The following CNTN4 variants were observed in gnomAD, a reference collection of about 807,000 sequenced individuals.
CNTN4 encodes contactin 4, also known as contactin-4.
In CNTN4, 77 loss-of-function variants were observed where a neutral mutation model predicts 122.5. The ratio of observed to expected loss-of-function variants is 0.63; its 90% CI spans 0.52 to 0.76. The LOEUF (loss-of-function observed/expected upper bound fraction) is 0.76, where lower values mean the gene tolerates loss of function less well. Ranked by LOEUF, CNTN4 falls within the 30% of genes least tolerant of loss-of-function variation. The pLI is 0.00. For synonymous variants in CNTN4, 512 were observed against 447.0 expected (o/e 1.15, Z -1.83); for missense variants, 1,256 against 1,259.1 (o/e 1.00, Z 0.04).
chr3:2,385,907 T>A lies in CNTN4; in HGVS notation c.-89+46674T>A, dbSNP rs2046237716. Among the ~76,000 whole-genome samples, 1 of 152,106 alleles carries A rather than the reference T, an allele frequency of 6.6e-6. No homozygotes were observed. Among genetic ancestry groups the A allele is most frequent in the African/African-American group, 2.4e-5 (1 of 41,448 alleles). On this transcript the variant is annotated intron_variant, in intron 3 of 24. Coordinates refer to ENST00000418658, the MANE Select transcript of CNTN4 (RefSeq NM_175607.3). This position sits in a 1 kb window ranked among gnomAD's most constrained non-coding sequence, Gnocchi z 4.0. ...ACCCATAACAATGTTCCATCAATAT[T>A]TGATAAATGAATGAATACATGCATT... is the stretch of plus-strand genomic sequence containing the variant.
chr3:2,492,461 T>A (rs1326959479), intron 3 of CNTN4, among the ~76,000 whole-genome samples: 2 of 152,204 alleles, frequency 1.3e-5, no homozygotes, highest in Non-Finnish European at 2.9e-5. Flanking sequence ...CTGCGAGGCC[T>A]CATTCTCTCA....
At chr3:2,995,054 G>C (rs530656758) in intron 14 of CNTN4, among the ~76,000 whole-genome samples, 1 of 152,262 alleles carries the variant, frequency 6.6e-6, no homozygotes, top group Non-Finnish European at 1.5e-5. Context: ...AGAGTAGGAA[G>C]GAAAAGTTTG....
chr3:2,392,387 G>C (rs1469857333), intron 3 of CNTN4, among the ~76,000 whole-genome samples: 1 of 151,938 alleles, frequency 6.6e-6, no homozygotes, highest in African/African-American at 2.4e-5. Flanking sequence ...ATCAAATTCT[G>C]GTCATTAAAT....
chr3:2,800,040 T>G (rs1270185872), intron 6 of CNTN4, among the ~76,000 whole-genome samples: 1 of 151,786 alleles, frequency 6.6e-6, no homozygotes, highest in Non-Finnish European at 1.5e-5. Flanking sequence ...CTGATAGCCT[T>G]GTAGTAGAAT....
intron 4 of CNTN4, among the ~76,000 whole-genome samples, chr3:2,733,750 G>A (rs2149476486): frequency 6.6e-6 from 1 of 151,956 alleles, no homozygotes; most frequent in African/African-American, 2.4e-5. Flanking sequence ...TGGCCAGGCT[G>A]GTCTCAAATG....
At chr3:2,284,482 T>C (rs2041834874) in intron 2 of CNTN4, among the ~76,000 whole-genome samples, 1 of 152,222 alleles carries the variant, frequency 6.6e-6, no homozygotes, top group South Asian at 2.1e-4. Flanking sequence ...GTCAGTTACT[T>C]TTTTGAAATG....
intron 8 of CNTN4, among the ~76,000 whole-genome samples, chr3:2,873,415 C>T (rs945479146): frequency 1.3e-5 from 2 of 152,206 alleles, no homozygotes; most frequent in African/African-American, 2.4e-5. Flanking sequence ...TTCAGTCTTT[C>T]AGGCCACAGT....
intron 9 of CNTN4, 54 bp downstream of exon 9, chr3:2,883,301 G>A: frequency 7.4e-7 from 1 of 1,353,712 alleles, no homozygotes; most frequent in South Asian, 1.2e-5. Flanking sequence ...AGCAGGTATA[G>A]AGTTTTTCTT....
intron 4 of CNTN4, among the ~76,000 whole-genome samples, chr3:2,717,347 G>A (rs2087558309): frequency 6.6e-6 from 1 of 152,056 alleles, no homozygotes; most frequent in African/African-American, 2.4e-5. Context: ...TCAAGCAGAG[G>A]CTGCCTACAT....
chr3:2,246,142 T>C (rs1313709742), intron 2 of CNTN4, among the ~76,000 whole-genome samples: 2 of 152,028 alleles, frequency 1.3e-5, no homozygotes, highest in African/African-American at 4.8e-5. Flanking sequence ...TTCTGTTTAA[T>C]AGCACTGATG....
At chr3:2,798,731 A>C (rs2092273213) in intron 6 of CNTN4, among the ~76,000 whole-genome samples, 2 of 152,122 alleles carry the variant, frequency 1.3e-5, no homozygotes, top group Non-Finnish European at 2.9e-5. Context: ...GGCTGGTCTC[A>C]AACTCCTAAG....
intron 3 of CNTN4, among the ~76,000 whole-genome samples, chr3:2,561,070 C>A (rs28415247): frequency 0.066 from 9,988 of 152,204 alleles, 1,096 homozygotes; most frequent in African/African-American, 0.23. Context: ...AGCTTACTTC[C>A]CCACTAAGTG....
intron 6 of CNTN4, among the ~76,000 whole-genome samples, chr3:2,746,017 G>T (rs57809826): frequency 3.0e-5 from 1 of 33,572 alleles, no homozygotes; most frequent in East Asian, 9.6e-4. Flanking sequence ...CAACAAATTT[G>T]ACACCCACAC....
chr3:2,824,643 T>TTTTATTTAAAAATTTAAATA (rs1405051883), intron 7 of CNTN4, among the ~76,000 whole-genome samples: 1 of 152,110 alleles, frequency 6.6e-6, no homozygotes, highest in Non-Finnish European at 1.5e-5. Flanking sequence ...TATGTGAAAT[T>TTTTATTTAAAAATTTAAATA]TTTATTTAAA....
At chr3:2,535,851 A>G (rs1271696144) in intron 3 of CNTN4, among the ~76,000 whole-genome samples, 3 of 152,098 alleles carry the variant, frequency 2.0e-5, no homozygotes, top group African/African-American at 7.2e-5. Flanking sequence ...TCAGTAGTAC[A>G]CTTTCAAAAT....
At chr3:2,134,703 C>T (rs975313808) in intron 2 of CNTN4, among the ~76,000 whole-genome samples, 1 of 152,160 alleles carries the variant, frequency 6.6e-6, no homozygotes, top group Non-Finnish European at 1.5e-5. Context: ...GCCAGGGATG[C>T]TGCTGAACAC....
chr3:2,583,927 T>C (rs34826119), intron 4 of CNTN4, among the ~76,000 whole-genome samples: 14,896 of 152,218 alleles, frequency 0.098, 974 homozygotes, highest in Non-Finnish European at 0.14. Context: ...CAATGAACCA[T>C]ATTGTTACAG....
intron 3 of CNTN4, among the ~76,000 whole-genome samples, chr3:2,481,718 G>T (rs1344537055): frequency 6.6e-6 from 1 of 151,954 alleles, no homozygotes; most frequent in Non-Finnish European, 1.5e-5. Flanking sequence ...CTTGTGGGAG[G>T]TAATTAAATC....
At chr3:2,732,811 T>C (rs2149470103) in intron 4 of CNTN4, among the ~76,000 whole-genome samples, 1 of 152,310 alleles carries the variant, frequency 6.6e-6, no homozygotes, top group African/African-American at 2.4e-5. Context: ...TAGCTAAACT[T>C]TCTAAAATTT....
Sources: gnomAD v4.1 joint callset for allele counts (sites outside exome capture counted in the v4.1 genomes callset) on GRCh38, gnomAD v4.1.1 for gene constraint, Gnocchi (gnomAD v3.1) non-coding constraint, MANE v1.5 for transcripts, NCBI Gene and HGNC (gene_info 2026-07-23, HGNC 2026-07-21) for gene names.